ANO10: variants seen among roughly 807,000 people sequenced by gnomAD.
ANO10 encodes the protein anoctamin 10, also known as anoctamin-10.
Under a neutral mutation model 74.7 loss-of-function variants are expected in ANO10, and 77 were observed. The observed-to-expected ratio is 1.03, with a 90% CI of 0.86 to 1.25. The LOEUF (loss-of-function observed/expected upper bound fraction) is 1.25, where lower values mean the gene tolerates loss of function less well. Among genes scored for constraint, ANO10 ranks in the 50% most tolerant of loss-of-function variants. The pLI is 0.00. For missense variants in ANO10, 721 were observed against 778.1 expected, an observed-to-expected ratio of 0.93 and a Z score of 0.87; for synonymous variants, 279 against 284.9, an observed-to-expected ratio of 0.98 and a Z score of 0.21.
chr3:43,501,936 T>C (rs1318144108), intron 11 of ANO10, among the ~76,000 whole-genome samples: 1 of 152,238 alleles, frequency 6.6e-6, no homozygotes, highest in Non-Finnish European at 1.5e-5. Flanking sequence ...GGTCTCCGTT[T>C]GGTGATTTTC....
chr3:43,608,379 TC>T (rs2082657759), intron 1 of ANO10, among the ~76,000 whole-genome samples: 1 of 152,060 alleles, frequency 6.6e-6, no homozygotes, highest in Admixed American at 6.5e-5. Context: ...AGGGTCTCAC[TC>T]TTTTGCCCAG....
intron 12 of ANO10, among the ~76,000 whole-genome samples, chr3:43,396,134 G>A (rs988296582): frequency 6.6e-6 from 1 of 151,386 alleles, no homozygotes; most frequent in Admixed American, 6.6e-5. Context: ...TTGAAAAGAA[G>A]TGGTAGGAAT....
At chr3:43,485,530 G>A (rs1284097983) in intron 11 of ANO10, 4 of 251,584 alleles carry the variant, frequency 1.6e-5, no homozygotes, top group Admixed American at 4.8e-5. Flanking sequence ...CTTGGAATCC[G>A]TGAGGCCAAG....
intron 12 of ANO10, among the ~76,000 whole-genome samples, chr3:43,419,187 G>C (rs1172365228): frequency 6.6e-6 from 1 of 152,208 alleles, no homozygotes; most frequent in East Asian, 1.9e-4. Flanking sequence ...ATTCAAGAGG[G>C]AGAAGGCAGA....
At chr3:43,369,931 T>C (rs2091548347) in intron 12 of ANO10, among the ~76,000 whole-genome samples, 1 of 152,206 alleles carries the variant, frequency 6.6e-6, no homozygotes, top group Non-Finnish European at 1.5e-5. Flanking sequence ...CTCCCTTGGC[T>C]GCAAATGGAG....
Position 43,519,357 on chromosome 3 carries a change from C to T in ANO10, c.1797+30363G>A, listed in dbSNP as rs559538214. On this transcript the variant is annotated intron_variant, in intron 11 of 12. Coordinates refer to ENST00000292246, the MANE Select transcript of ANO10 (RefSeq NM_018075.5). ...ATACAATTAGATTACAAACTCACCG[C>T]TGGAGCACACTACTTCTTTTTCAAT... Among the ~76,000 whole-genome samples, 4 of 152,292 alleles carry T rather than the reference C, an allele frequency of 2.6e-5. No homozygotes were observed. In the South Asian group the frequency reaches 8.3e-4, roughly 32 times the overall value.
At position 43,452,815 on chromosome 3, in the gene ANO10, G is replaced by A. The variant is rs145248276; in HGVS notation, c.1798-20088C>T. ...CCACCAGCAGTGTACAAGGGTTTCA[G>A]TTGCTCTACATCCTCACCAAATCTT... On this transcript the variant is annotated intron_variant, in intron 11 of 12. Coordinates refer to ENST00000292246, the MANE Select transcript of ANO10 (RefSeq NM_018075.5). 7.2e-4 allele frequency among the ~76,000 whole-genome samples: 110 copies of A among 152,300 alleles called. 1 individual carries two copies. The highest frequency in any genetic ancestry group is 2.2e-3 in the African/African-American group (92 of 41,574).
chr3:43,578,536 G>A (rs1461100175), intron 5 of ANO10, among the ~76,000 whole-genome samples: 4 of 152,096 alleles, frequency 2.6e-5, no homozygotes, highest in Non-Finnish European at 5.9e-5. Flanking sequence ...AATCACCTGA[G>A]GTCAGGAGTT....
At chr3:43,567,910 C>T (rs1429794675) in intron 7 of ANO10, among the ~76,000 whole-genome samples, 2 of 152,110 alleles carry the variant, frequency 1.3e-5, no homozygotes, top group African/African-American at 2.4e-5. Context: ...AGACTCAAGA[C>T]CCATCAGTGT....
At chr3:43,536,153 T>G (rs1210777502) in intron 11 of ANO10, among the ~76,000 whole-genome samples, 1 of 152,230 alleles carries the variant, frequency 6.6e-6, no homozygotes, top group Admixed American at 6.5e-5. Context: ...AACACAAAAG[T>G]AAATGTAACA....
intron 11 of ANO10, among the ~76,000 whole-genome samples, chr3:43,456,128 A>C (rs2075113924): frequency 6.6e-6 from 1 of 152,206 alleles, no homozygotes; most frequent in South Asian, 2.1e-4. Context: ...ACCTGGGCTC[A>C]GCAGGTGAGC....
At chr3:43,570,838 T>C (rs1206236834) in intron 7 of ANO10, among the ~76,000 whole-genome samples, 1 of 139,262 alleles carries the variant, frequency 7.2e-6, no homozygotes, top group African/African-American at 2.8e-5. Context: ...ACAAATGGGA[T>C]CTAATTAAAC....
intron 4 of ANO10, among the ~76,000 whole-genome samples, chr3:43,589,677 C>G (rs2081639471): frequency 6.6e-6 from 1 of 152,124 alleles, no homozygotes; most frequent in Non-Finnish European, 1.5e-5. Flanking sequence ...TTGGCAGTAT[C>G]TACTCTAAAA....
intron 12 of ANO10, among the ~76,000 whole-genome samples, chr3:43,428,796 CA>C (rs56213626): frequency 0.075 from 4,114 of 54,956 alleles, 87 homozygotes; most frequent in South Asian, 0.15. Context: ...TTTGTGAATG[CA>C]AAAAAAAAAA....
At chr3:43,505,554 G>A (rs1036821483) in intron 11 of ANO10, among the ~76,000 whole-genome samples, 14 of 152,186 alleles carry the variant, frequency 9.2e-5, no homozygotes, top group African/African-American at 3.4e-4. Flanking sequence ...ACCTCAGTTG[G>A]CTTCCTTACT....
At chr3:43,565,881 C>A (rs1037602011) in intron 7 of ANO10, among the ~76,000 whole-genome samples, 154 bp from the exon 8 acceptor site, 1 of 152,120 alleles carries the variant, frequency 6.6e-6, no homozygotes, top group African/African-American at 2.4e-5. Context: ...CCAGCCTGAG[C>A]GACGCAGAAG....
chr3:43,471,493 T>C (rs1035980556), intron 11 of ANO10, among the ~76,000 whole-genome samples: 5 of 152,288 alleles, frequency 3.3e-5, no homozygotes, highest in Admixed American at 6.5e-5. Context: ...AAATTCCACA[T>C]GTAACCAGTT....
At chr3:43,663,579 A>G (rs997471441) in intron 1 of ANO10, among the ~76,000 whole-genome samples, 5 of 152,200 alleles carry the variant, frequency 3.3e-5, no homozygotes, top group Non-Finnish European at 7.3e-5. Flanking sequence ...GTTTTCAAAT[A>G]GGAAGAGTGG....
At chr3:43,659,960 C>CTG in intron 1 of ANO10, among the ~76,000 whole-genome samples, 1 of 152,282 alleles carries the variant, frequency 6.6e-6, no homozygotes, top group Non-Finnish European at 1.5e-5. Context: ...GAGTGGACAT[C>CTG]CAGCAGATGT....
Sources: gnomAD v4.1 joint callset for allele counts (sites outside exome capture counted in the v4.1 genomes callset) on GRCh38, gnomAD v4.1.1 for gene constraint, MANE v1.5 for transcripts, NCBI Gene and HGNC (gene_info 2026-07-23, HGNC 2026-07-21) for gene names.